The following CDH4 variants were observed in gnomAD, a reference collection of about 807,000 sequenced individuals.
CDH4 encodes the protein cadherin 4, also known as cadherin-4.
CDH4 carries 33 observed loss-of-function variants against 86.0 expected under a neutral mutation model. That is an observed-to-expected ratio of 0.38 (90% confidence interval 0.29 to 0.51). CDH4 has a LOEUF of 0.51. Ranked by LOEUF, CDH4 falls within the 20% of genes least tolerant of loss-of-function variation. CDH4 has a pLI of 0.86. For missense variants in CDH4, 1,114 were observed against 1,307.4 expected, an observed-to-expected ratio of 0.85 and a Z score of 2.28; for synonymous variants, 555 against 549.4, an observed-to-expected ratio of 1.01 and a Z score of -0.14.
rs1317162779 is a variant in CDH4, at chr20:61,269,305, G to A, written c.169+14368G>A. ...GGATTGATGGGGGGCAGCCTTCAGA[G>A]CCCAACCCTCCACCCCATCCTCTGT... On this transcript the variant is annotated intron_variant, in intron 2 of 15. Transcript: ENST00000614565. The surrounding 1 kb of genome is among the most constrained non-coding windows in gnomAD (Gnocchi z 5.3). Among the ~76,000 whole-genome samples, 1 of 152,112 alleles carries A rather than the reference G, an allele frequency of 6.6e-6. No individual in the cohort carries two copies. The highest frequency in any genetic ancestry group is 1.5e-5 in the Non-Finnish European group (1 of 67,982).
At chr20:61,743,904 G>A (rs572048285) in intron 3 of CDH4, 115 bp downstream of exon 3, 23 of 796,026 alleles carry the variant, frequency 2.9e-5, no homozygotes, top group South Asian at 1.1e-4. Context: ...CCTCCTCCTC[G>A]GGCTGTGCCA....
chr20:61,738,148 T>TG (rs2088288068), intron 2 of CDH4: 1 of 152,188 alleles, frequency 6.6e-6, no homozygotes, highest in African/African-American at 2.4e-5. Flanking sequence ...GCACTGGCTT[T>TG]GGGGTCTGCA....
intron 3 of CDH4, among the ~76,000 whole-genome samples, chr20:61,767,783 G>A (rs1175144815): frequency 6.6e-6 from 1 of 152,158 alleles, no homozygotes; most frequent in Non-Finnish European, 1.5e-5. Flanking sequence ...CCTGGGCAGG[G>A]CCCTGGCCAC....
chr20:61,492,330 G>A (rs920272318), intron 2 of CDH4, among the ~76,000 whole-genome samples: 1 of 151,700 alleles, frequency 6.6e-6, no homozygotes, highest in Non-Finnish European at 1.5e-5. Context: ...TATTGTTGAT[G>A]TTTGTGATGT....
chr20:61,881,460 C>T (rs754174942), intron 7 of CDH4, among the ~76,000 whole-genome samples: 12 of 152,364 alleles, frequency 7.9e-5, no homozygotes, highest in African/African-American at 2.2e-4. Flanking sequence ...TCCCGTGAGC[C>T]GGCCACAACA....
At chr20:61,743,113 C>G (rs2088364129) in intron 2 of CDH4, among the ~76,000 whole-genome samples, 1 of 152,220 alleles carries the variant, frequency 6.6e-6, no homozygotes. Flanking sequence ...CTTCCTTGTA[C>G]TTAGCCTTCT....
intron 4 of CDH4, among the ~76,000 whole-genome samples, chr20:61,778,161 T>C (rs1978349765): frequency 6.6e-6 from 1 of 152,178 alleles, no homozygotes; most frequent in African/African-American, 2.4e-5. Context: ...CTGTCCCCAT[T>C]TCCATCTATA....
intron 2 of CDH4, among the ~76,000 whole-genome samples, chr20:61,590,882 G>A (rs891900857): frequency 6.6e-6 from 1 of 152,084 alleles, no homozygotes. Context: ...TCTATGGGGG[G>A]GGGGGTCCCC....
intron 4 of CDH4, 137 bp from the exon 5 acceptor site, chr20:61,844,531 A>T: frequency 1.3e-6 from 1 of 771,810 alleles, no homozygotes; most frequent in Non-Finnish European, 2.0e-6. Flanking sequence ...AGTGGATGAA[A>T]GATCAGCTGT....
At chr20:61,336,268 G>T (rs773349397) in intron 2 of CDH4, among the ~76,000 whole-genome samples, 1 of 152,088 alleles carries the variant, frequency 6.6e-6, no homozygotes, top group African/African-American at 2.4e-5. Flanking sequence ...ATACAGTGGG[G>T]ATATTTTGAA....
At chr20:61,725,424 G>A (rs4925276) in intron 2 of CDH4, among the ~76,000 whole-genome samples, 27,383 of 152,148 alleles carry the variant, frequency 0.18, 3,872 homozygotes, top group East Asian at 0.41. Context: ...CTGTGGCTTC[G>A]CGCTGCCTGG....
intron 8 of CDH4, among the ~76,000 whole-genome samples, chr20:61,901,069 G>A (rs1039622512): frequency 1.3e-5 from 2 of 152,202 alleles, no homozygotes; most frequent in South Asian, 4.1e-4. Context: ...AAGAAGATGG[G>A]TCAACCTCTC....
At chr20:61,655,472 C>T (rs1365361211) in intron 2 of CDH4, among the ~76,000 whole-genome samples, 1 of 152,238 alleles carries the variant, frequency 6.6e-6, no homozygotes, top group Non-Finnish European at 1.5e-5. Flanking sequence ...GCCATCGTTC[C>T]AGGCATGGCT....
intron 2 of CDH4, among the ~76,000 whole-genome samples, chr20:61,740,131 C>A (rs995290410): frequency 6.6e-6 from 1 of 152,184 alleles, no homozygotes; most frequent in Non-Finnish European, 1.5e-5. Flanking sequence ...TAGAATGGAA[C>A]GTGCTGAGGT....
At chr20:61,474,092 C>T (rs1984245079) in intron 2 of CDH4, among the ~76,000 whole-genome samples, 1 of 151,242 alleles carries the variant, frequency 6.6e-6, no homozygotes, top group Non-Finnish European at 1.5e-5. Context: ...AAACTTCTTC[C>T]ACTCTCTGGA....
intron 2 of CDH4, among the ~76,000 whole-genome samples, chr20:61,367,562 T>C (rs1229496388): frequency 6.6e-6 from 1 of 151,842 alleles, no homozygotes; most frequent in Non-Finnish European, 1.5e-5. Context: ...GGGCTTCCAC[T>C]GACCCAACCT....
chr20:61,283,929 G>A (rs1437375270), intron 2 of CDH4, among the ~76,000 whole-genome samples: 3 of 152,130 alleles, frequency 2.0e-5, no homozygotes, highest in African/African-American at 4.8e-5. Flanking sequence ...TCCTTTGGAC[G>A]TGCTTCCCAA....
intron 2 of CDH4, among the ~76,000 whole-genome samples, chr20:61,400,027 C>T (rs1310293285): frequency 6.6e-6 from 1 of 152,170 alleles, no homozygotes; most frequent in South Asian, 2.1e-4. Flanking sequence ...CAAACCAGTC[C>T]CCCTTACAGC....
rs372898160 is a variant in CDH4, at chr20:61,516,327, C to T, written c.170-227236C>T. Among the ~76,000 whole-genome samples the T allele has an allele frequency of 7.9e-5, 12 of 152,302 alleles. No individual in the cohort carries two copies. The highest frequency in any genetic ancestry group is 2.9e-4 in the African/African-American group (12 of 41,558). Reference sequence around the variant, plus strand: ...TTCCTTACATCCCGTCTATTAATGCCATGGTCCCTGAGCAGTCATGGGACC... The same window carrying T: ...TTCCTTACATCCCGTCTATTAATGCTATGGTCCCTGAGCAGTCATGGGACC... On this transcript the variant is annotated intron_variant, in intron 2 of 15. Transcript: ENST00000614565. This position sits in a 1 kb window ranked among gnomAD's most constrained non-coding sequence, Gnocchi z 4.0.
Sources: allele counts gnomAD v4.1 joint callset (sites outside exome capture counted in the v4.1 genomes callset), GRCh38; gene constraint gnomAD v4.1.1; non-coding constraint Gnocchi (gnomAD v3.1); transcripts MANE v1.5; gene names NCBI Gene and HGNC (gene_info 2026-07-23, HGNC 2026-07-21).